Variants in INSRR observed in about 807,000 individuals in gnomAD.
The protein encoded by INSRR is insulin receptor-related protein.
In INSRR, 114 loss-of-function variants were observed where a neutral mutation model predicts 130.0. That is an observed-to-expected ratio of 0.88 (90% CI 0.75 to 1.02). INSRR has a LOEUF of 1.02. INSRR is among the 50% of genes least tolerant of loss of function. The pLI, the probability that INSRR is intolerant of heterozygous loss-of-function variation, is 0.00. For synonymous variants in INSRR, 674 were observed against 705.2 expected (o/e 0.96, Z 0.70); for missense variants, 1,657 against 1,735.2 (o/e 0.95, Z 0.80).
Position 156,845,808 on chromosome 1 carries a change from C to A in INSRR, c.1985G>T (p.Arg662Leu). The A allele has an allele frequency of 6.2e-7, 1 of 1,612,242 alleles. No homozygotes were observed. Among genetic ancestry groups the A allele is most frequent in the Non-Finnish European group, 8.5e-7 (1 of 1,179,758 alleles). ...YLNDYCHRGL[R>L]LPTSNNDPRF... ...CGGATCGTTGTTGCTGGTGGGCAGC[C>A]GCAAGCCTGGCGCCGCAGCGGGAAG... The change falls in exon 10 of 22, where the codon CGG becomes CTG. Residue 662 changes from arginine to leucine, a missense_variant. Transcript: ENST00000368195.
Position 156,842,146 on chromosome 1 carries a change from G to A in INSRR, c.3363C>T (p.Cys1121=). The A allele has an allele frequency of 6.2e-7, 1 of 1,614,090 alleles. No homozygotes were observed. The highest frequency in any genetic ancestry group is 1.7e-5 in the Admixed American group (1 of 60,016). Residue 1121 remains cysteine (C), a synonymous_variant, in exon 19 of 22, where the codon TGC becomes TGT. Transcript: ENST00000368195. ...FVHRDLAARN[C]MVSQDFTVKI... ...TGACGGTGAAGTCCTGGGACACCAT[G>A]CAGTTGCGGGCTGCTAGATCTCGGT...
rs777638206 is a variant in INSRR, at chr1:156,845,200, T to C, written c.2313A>G (p.Arg771=). 2 of 1,609,636 alleles carry C rather than the reference T, an allele frequency of 1.2e-6. No individual in the cohort carries two copies. The highest frequency in any genetic ancestry group is 1.7e-5 in the Admixed American group (1 of 59,424). ...EIQEDKVPRE[R]AVLSGLRHFT... ...AGTGGCGCAGGCCGCTCAGCACCGC[T>C]CGCTCACGGGGCACCTTGTCCTCCT... is the stretch of plus-strand genomic sequence containing the variant. Residue 771 remains arginine (R), a synonymous_variant, in exon 12 of 22, where the codon CGA becomes CGG. Coordinates refer to ENST00000368195, the MANE Select transcript of INSRR (RefSeq NM_014215.3).
chr1:156,854,248 G>T lies in INSRR; in HGVS notation c.141C>A (p.Asn47Lys), dbSNP rs1244085611. 7.4e-6 allele frequency: 12 copies of T among 1,613,842 alleles called. No individual in the cohort carries two copies. Among genetic ancestry groups the T allele is most frequent in the Non-Finnish European group, 1.0e-5 (12 of 1,180,004 alleles). ...SEVAELRQLENCSVVEGHLQI... is the reference protein window; with the variant it reads ...SEVAELRQLEKCSVVEGHLQI... ...GCAGGTGGCCCTCCACCACGCTGCA[G>T]TTCTCCAGCTGACGAAGCTCTGCCA... Residue 47 changes from asparagine (N) to lysine (K), a missense_variant, in exon 2 of 22, where the codon AAC (asparagine) becomes AAA (lysine). By Grantham distance (94) the Asn-to-Lys change is moderately conservative. Transcript: ENST00000368195. This position sits in a 1 kb window ranked among gnomAD's most constrained non-coding sequence, Gnocchi z 4.2.
chr1:156,842,213 A>C lies in INSRR; in HGVS notation c.3296T>G (p.Ile1099Ser), dbSNP rs1483213055. 1 of 1,613,898 alleles carries C rather than the reference A, an allele frequency of 6.2e-7. No homozygotes were observed. The highest frequency in any genetic ancestry group is 8.5e-7 in the Non-Finnish European group (1 of 1,180,018). ...AGCAAGGTAGGCCATGCCGTCTGCA[A>C]TCTCACCAGCCATTTGGATCATTTC... ...LGEMIQMAGE[I>S]ADGMAYLAAN... Residue 1099 changes from isoleucine (I) to serine (S), a missense_variant, in exon 19 of 22, where the codon ATT (isoleucine) becomes AGT (serine). Transcript: ENST00000368195.
At chr1:156,844,982 G>T (rs1654938313) in intron 12 of INSRR, 94 bp downstream of exon 12, 7 of 1,534,980 alleles carry the variant, frequency 4.6e-6, no homozygotes, top group African/African-American at 1.4e-5. Flanking sequence ...GCAAAGCGAG[G>T]CTCTGGGGTT....
rs1488341681 is a variant in INSRR at position 156,851,683 on chromosome 1, A to T, written c.1047T>A (p.His349Gln). The change falls in exon 4 of 22, where the codon CAT becomes CAA. Residue 349 changes from histidine to glutamine, a missense_variant. Coordinates refer to ENST00000368195, the MANE Select transcript of INSRR (RefSeq NM_014215.3). ...GGTTGAGGATGAGGCTTCCCTCCAC[A>T]TGCGTGCAGCCCACAAGATCCTGTG... is the stretch of plus-strand genomic sequence containing the variant. ...QAAQDLVGCTHVEGSLILNLR... is the reference protein window; with the variant it reads ...QAAQDLVGCTQVEGSLILNLR... 4 of 1,614,202 alleles carry T rather than the reference A, an allele frequency of 2.5e-6. No individual in the cohort carries two copies. In the Admixed American group the frequency reaches 6.7e-5, roughly 27 times the overall value.
chr1:156,844,571 G>GAA lies in INSRR; in HGVS notation c.2627_2628insTT (p.His877SerfsTer81). On this transcript the variant is annotated frameshift_variant, in exon 14 of 22. Coordinates refer to ENST00000368195, the MANE Select transcript of INSRR (RefSeq NM_014215.3). LOFTEE classifies it high-confidence loss of function. Reference sequence around the variant, plus strand: ...TTCCAGGGGGCAGCAGGGCCAGGTGGACTCCCCCAAACTTCGCATATCGAA... The same window carrying GAA: ...TTCCAGGGGGCAGCAGGGCCAGGTGGAAACTCCCCCAAACTTCGCATATCGAA... 6.2e-7 allele frequency: 1 copy of GAA among 1,614,160 alleles called. No individual in the cohort carries two copies. The highest frequency in any genetic ancestry group is 1.1e-5 in the South Asian group (1 of 91,080).
rs35237064 is a variant in INSRR at position 156,850,534 on chromosome 1, CTTTTTTTTTTTTTTTT to C, written c.1229+740_1229+755del. Among the ~76,000 whole-genome samples, 48 of 58,640 alleles carry C rather than the reference CTTTTTTTTTTTTTTTT, an allele frequency of 8.2e-4. 3 individuals are homozygous for C. In the South Asian group the frequency reaches 0.015, roughly 18 times the overall value. The allele number at this position is 58,640 out of a possible 152,430, so 38.5% of individuals were successfully genotyped here. A position where few individuals can be genotyped will look rare whatever the true frequency, so the allele number is the denominator to read the frequency against. On this transcript the variant is annotated intron_variant, in intron 5 of 21. Transcript: ENST00000368195. ...GACCTGGATGGTAATTTAAAACATTCTTTTTTTTTTTTTTTTTTTTTTTTTTTTTTTGAGATGGAGT... is the reference window on the plus strand; with the variant it reads ...GACCTGGATGGTAATTTAAAACATTCTTTTTTTTTTTTTTTGAGATGGAGT...
chr1:156,853,894 G>C lies in INSRR; in HGVS notation c.495C>G (p.Asn165Lys). 6.2e-7 allele frequency: 1 copy of C among 1,614,160 alleles called. No homozygotes were observed. Among genetic ancestry groups the C allele is most frequent in the Admixed American group, 1.7e-5 (1 of 60,028 alleles). The change falls in exon 2 of 22, where the codon AAC (asparagine) becomes AAG (lysine). Residue 165 changes from asparagine (N) to lysine (K), a missense_variant. By Grantham distance (94) the Asn-to-Lys change is moderately conservative. Coordinates refer to ENST00000368195, the MANE Select transcript of INSRR (RefSeq NM_014215.3). Reference protein sequence around the residue: ...WGLLQPAPGANHIVGNKLGEE... With the variant: ...WGLLQPAPGAKHIVGNKLGEE... Reference sequence around the variant, plus strand: ...CGCCCAGCTTGTTGCCCACGATGTGGTTGGCGCCAGGTGCTGGCTGCAGCA... The same window carrying C: ...CGCCCAGCTTGTTGCCCACGATGTGCTTGGCGCCAGGTGCTGGCTGCAGCA...
chr1:156,855,020 T>C (rs1283276531), intron 1 of INSRR, among the ~76,000 whole-genome samples: 1 of 152,180 alleles, frequency 6.6e-6, no homozygotes, highest in Non-Finnish European at 1.5e-5. Context: ...TAACAGGAGC[T>C]TTACTACTAT....
chr1:156,840,797 T>A lies in INSRR; in HGVS notation c.*76A>T. On this transcript the variant is annotated 3_prime_UTR_variant, in exon 22 of 22. Coordinates refer to ENST00000368195, the MANE Select transcript of INSRR (RefSeq NM_014215.3). ...CCCTGAGTTGGGGTGGGGGTGAACA[T>A]TCAGGCGTCTCAGCCACAGAGGTCG... 8.7e-7 allele frequency: 1 copy of A among 1,144,592 alleles called. No homozygotes were observed. Among genetic ancestry groups the A allele is most frequent in the Non-Finnish European group, 1.3e-6 (1 of 776,916 alleles). The allele number at this position is 1,144,592 out of a possible 1,614,324, so 70.9% of individuals were successfully genotyped here.
Position 156,840,748 on chromosome 1 carries a change from T to C in INSRR, c.*125A>G. 1.4e-6 allele frequency: 1 copy of C among 739,186 alleles called. No individual in the cohort carries two copies. The highest frequency in any genetic ancestry group is 2.3e-5 in the Admixed American group (1 of 44,128). The allele number at this position is 739,186 out of a possible 1,614,324, so 45.8% of individuals were successfully genotyped here. A position where few individuals can be genotyped will look rare whatever the true frequency, so the allele number is the denominator to read the frequency against. The stretch of plus-strand genomic sequence containing the variant: ...CACAGCCTTCCCTGCTCCTGTTCTC[T>C]GCCCCACCCTCGGCCATCCCTTGCC... On this transcript the variant is annotated 3_prime_UTR_variant, in exon 22 of 22. Transcript: ENST00000368195.
At chr1:156,855,176 TTATCTATC>T (rs142014665) in intron 1 of INSRR, among the ~76,000 whole-genome samples, 1 of 143,462 alleles carries the variant, frequency 7.0e-6, no homozygotes, top group African/African-American at 2.6e-5. Context: ...CCATCCAATT[TTATCTATC>T]TATCTATCTA....
Position 156,849,434 on chromosome 1 carries a change from T to C in INSRR, c.1256A>G (p.Asn419Ser). The change falls in exon 6 of 22, where the codon AAC becomes AGC. Residue 419 changes from asparagine (N) to serine (S), a missense_variant. Physicochemically the swap from Asn to Ser is conservative, Grantham distance 46. Transcript: ENST00000368195. ...DGNYTLYVLD[N>S]QNLQQLGSWV... ...GGACCCTAGCTGTTGTAGGTTCTGG[T>C]TGTCCAGCACGTAGAGAGTGTAGTT... The C allele has an allele frequency of 6.2e-7, 1 of 1,613,480 alleles. No individual in the cohort carries two copies. Among genetic ancestry groups the C allele is most frequent in the Non-Finnish European group, 8.5e-7 (1 of 1,179,842 alleles).
chr1:156,853,985 A>G lies in INSRR; in HGVS notation c.404T>C (p.Leu135Pro), dbSNP rs1183986549. The change falls in exon 2 of 22, where the codon CTG becomes CCG. Residue 135 changes from leucine to proline, a missense_variant. Coordinates refer to ENST00000368195, the MANE Select transcript of INSRR (RefSeq NM_014215.3). Reference protein sequence around the residue: ...DVALPALGAVLRGAVRVEKNQ... With the variant: ...DVALPALGAVPRGAVRVEKNQ... ...CTTCTCCACACGCACAGCCCCACGC[A>G]GCACGGCCCCAAGTGCAGGCAGTGC... The G allele has an allele frequency of 6.2e-6, 10 of 1,613,490 alleles. No individual in the cohort carries two copies. The highest frequency in any genetic ancestry group is 8.5e-6 in the Non-Finnish European group (10 of 1,179,594).
In INSRR at chr1:156,843,088, C is replaced by T. The variant is rs56266370; in HGVS notation, c.3042G>A (p.Thr1014=). ...GEESTPVALK[T]VNELASPREC... The stretch of plus-strand genomic sequence containing the variant: ...CCCGTGGGCTGGCCAGCTCATTCAC[C>T]GTCTTCAGGGCCACGGGTGTGGACT... The change falls in exon 17 of 22, where the codon ACG becomes ACA. Residue 1014 remains threonine, a synonymous_variant. Coordinates refer to ENST00000368195, the MANE Select transcript of INSRR (RefSeq NM_014215.3). 179 of 1,614,140 alleles carry T rather than the reference C, an allele frequency of 1.1e-4. No individual in the cohort carries two copies. In the Middle Eastern group the frequency reaches 1.6e-3, roughly 15 times the overall value.
chr1:156,845,473 A>C, intron 10 of INSRR, 60 bp from the exon 11 acceptor site: 1 of 1,517,672 alleles, frequency 6.6e-7, no homozygotes, highest in Admixed American at 2.2e-5. Flanking sequence ...TGCCCTCTGC[A>C]GCGCGTACCG....
chr1:156,843,260 C>G, intron 16 of INSRR, 27 bp from the exon 17 acceptor site: 1 of 1,606,078 alleles, frequency 6.2e-7, no homozygotes, highest in Non-Finnish European at 8.5e-7. Flanking sequence ...GGTCACAAAG[C>G]GAGGATGCTG....
At position 156,842,175 on chromosome 1, in the gene INSRR, C is replaced by A; in HGVS notation, c.3334G>T (p.Val1112Leu). 1 of 1,614,130 alleles carries A rather than the reference C, an allele frequency of 6.2e-7. No homozygotes were observed. ...GMAYLAANKF[V>L]HRDLAARNCM... ...TTGCGGGCTGCTAGATCTCGGTGCA[C>A]AAACTTGTTGGCAGCAAGGTAGGCC... The change falls in exon 19 of 22, where the codon GTG becomes TTG. Residue 1112 changes from valine to leucine, a missense_variant. Coordinates refer to ENST00000368195, the MANE Select transcript of INSRR (RefSeq NM_014215.3).
Sources: allele counts gnomAD v4.1 joint callset (sites outside exome capture counted in the v4.1 genomes callset), GRCh38; gene constraint gnomAD v4.1.1; non-coding constraint Gnocchi (gnomAD v3.1); transcripts MANE v1.5; gene names NCBI Gene and HGNC (gene_info 2026-07-23, HGNC 2026-07-21).